The following TNIK variants were observed in gnomAD, a reference collection of about 807,000 sequenced individuals.
TNIK encodes the protein TRAF2 and NCK-interacting protein kinase.
In TNIK, 49 loss-of-function variants were observed where a neutral mutation model predicts 191.3. The observed-to-expected ratio is 0.26, with a 90% CI of 0.20 to 0.32. TNIK has a LOEUF of 0.32. TNIK is among the 10% of genes least tolerant of loss of function. The pLI, the probability that TNIK is intolerant of heterozygous loss-of-function variation, is 1.00. For synonymous variants in TNIK, 594 were observed against 600.9 expected, an observed-to-expected ratio of 0.99 and a Z score of 0.17; for missense variants, 1,155 against 1,702.3, an observed-to-expected ratio of 0.68 and a Z score of 5.66.
At chr3:171,250,614 G>A (rs934467007) in intron 2 of TNIK, among the ~76,000 whole-genome samples, 15 of 152,178 alleles carry the variant, frequency 9.9e-5, no homozygotes, top group African/African-American at 3.6e-4. Flanking sequence ...GTGGGAGGTG[G>A]GAACAACACA....
Position 171,343,084 on chromosome 3 carries a change from G to A in TNIK, c.123+26536C>T, listed in dbSNP as rs182368715. On this transcript the variant is annotated intron_variant, in intron 2 of 32. Transcript: ENST00000436636. Reference sequence around the variant, plus strand: ...TTTTTCTTTATAAGTTACCCATCTTGGATATATCTTCATAGCAATGTTGAA... The same window carrying A: ...TTTTTCTTTATAAGTTACCCATCTTAGATATATCTTCATAGCAATGTTGAA... Among the ~76,000 whole-genome samples the A allele has an allele frequency of 2.0e-3, 304 of 152,170 alleles. 1 individual carries two copies. Among genetic ancestry groups the A allele is most frequent in the African/African-American group, 6.9e-3 (285 of 41,498 alleles).
chr3:171,440,368 C>T (rs1726632703), intron 1 of TNIK, among the ~76,000 whole-genome samples: 1 of 152,154 alleles, frequency 6.6e-6, no homozygotes, highest in Non-Finnish European at 1.5e-5. Flanking sequence ...ACTCACTCCA[C>T]AACCCATTAC....
intron 2 of TNIK, among the ~76,000 whole-genome samples, chr3:171,286,819 G>T (rs1751057881): frequency 6.6e-6 from 1 of 152,192 alleles, no homozygotes; most frequent in Non-Finnish European, 1.5e-5. Context: ...ATGACACAAT[G>T]TTGTAGTTTG....
At chr3:171,453,172 G>T (rs1295368722) in intron 1 of TNIK, among the ~76,000 whole-genome samples, 2 of 152,166 alleles carry the variant, frequency 1.3e-5, no homozygotes, top group Non-Finnish European at 2.9e-5. Context: ...CGCCTGCTGT[G>T]TAAAGAAAAC....
intron 2 of TNIK, among the ~76,000 whole-genome samples, chr3:171,364,455 C>T (rs1254731836): frequency 2.6e-5 from 4 of 151,160 alleles, no homozygotes; most frequent in African/African-American, 9.7e-5. Flanking sequence ...TATGAAAATG[C>T]TAAAAAAAAT....
rs1012087686 is a variant in TNIK at position 171,345,432 on chromosome 3, G to A, written c.123+24188C>T. ...GCTGTTATTTTTAGGTGAAAACACC[G>A]AGTTTTTTTTTTTTCTTTACTTTTG... On this transcript the variant is annotated intron_variant, in intron 2 of 32. Transcript: ENST00000436636. Among the ~76,000 whole-genome samples the A allele has an allele frequency of 4.0e-5, 6 of 150,774 alleles. No homozygotes were observed. In the East Asian group the frequency reaches 1.2e-3, roughly 29 times the overall value.
At chr3:171,113,571 A>G (rs971180328) in intron 18 of TNIK, among the ~76,000 whole-genome samples, 1 of 151,208 alleles carries the variant, frequency 6.6e-6, no homozygotes, top group African/African-American at 2.4e-5. Context: ...GCGCTACTGC[A>G]CTCTAGCCTG....
At chr3:171,199,110 ATAATT>A (rs1459861195) in intron 4 of TNIK, among the ~76,000 whole-genome samples, 1 of 152,142 alleles carries the variant, frequency 6.6e-6, no homozygotes, top group East Asian at 1.9e-4. Flanking sequence ...AGTGATTTCT[ATAATT>A]TGCTTTCCCA....
chr3:171,361,776 T>C, intron 2 of TNIK, among the ~76,000 whole-genome samples: 1 of 152,134 alleles, frequency 6.6e-6, no homozygotes, highest in East Asian at 1.9e-4. Flanking sequence ...TAATCAAACC[T>C]TACATGTACA....
At chr3:171,340,694 T>C (rs1363355965) in intron 2 of TNIK, among the ~76,000 whole-genome samples, 1 of 152,242 alleles carries the variant, frequency 6.6e-6, no homozygotes, top group Non-Finnish European at 1.5e-5. Flanking sequence ...GTTTAACTGG[T>C]GTACCACAAA....
At chr3:171,068,074 G>A (rs1220073357) in intron 30 of TNIK, among the ~76,000 whole-genome samples, 1 of 152,094 alleles carries the variant, frequency 6.6e-6, no homozygotes, top group Non-Finnish European at 1.5e-5. Flanking sequence ...TTAGTCTTGG[G>A]ATTACACACA....
intron 2 of TNIK, among the ~76,000 whole-genome samples, chr3:171,325,250 T>C (rs1458950928): frequency 1.3e-5 from 2 of 151,812 alleles, no homozygotes; most frequent in African/African-American, 2.4e-5. Context: ...CATCCAAAAG[T>C]GGAGTGGCAA....
Position 171,140,437 on chromosome 3 carries a change from G to A in TNIK, c.1294C>T (p.Arg432Cys), listed in dbSNP as rs1171544235. ...EQRRHYEEQM[R>C]REEERRRAEH... ...GCACGCCTCCTCTCCTCCTCCCGGC[G>A]CATCTGCTCCTCATAGTGCCGGCGC... is the stretch of plus-strand genomic sequence containing the variant. Residue 432 changes from arginine (R) to cysteine (C), a missense_variant, in exon 13 of 33, where the codon CGC (arginine) becomes TGC (cysteine). Around this residue, in one of 3 missense-constraint regions of TNIK, gnomAD observed 735 missense variants for 848.0 expected, o/e 0.87. Coordinates refer to ENST00000436636, the MANE Select transcript of TNIK (RefSeq NM_015028.4). 4.0e-5 allele frequency: 65 copies of A among 1,609,004 alleles called. No individual in the cohort carries two copies. Among genetic ancestry groups the A allele is most frequent in the Middle Eastern group, 1.7e-4 (1 of 6,036 alleles).
intron 15 of TNIK, among the ~76,000 whole-genome samples, chr3:171,134,778 A>G (rs1729744022): frequency 1.3e-5 from 2 of 152,244 alleles, no homozygotes; most frequent in Non-Finnish European, 2.9e-5. Context: ...TGCAGTGATC[A>G]CTTGTGTTTT....
chr3:171,297,087 G>A (rs1304365058), intron 2 of TNIK, among the ~76,000 whole-genome samples: 3 of 152,026 alleles, frequency 2.0e-5, no homozygotes, highest in East Asian at 3.9e-4. Context: ...CTAGGTATCT[G>A]GACACAGCTA....
At chr3:171,403,242 C>G (rs1208531632) in intron 1 of TNIK, among the ~76,000 whole-genome samples, 1 of 152,146 alleles carries the variant, frequency 6.6e-6, no homozygotes, top group African/African-American at 2.4e-5. Context: ...GAGAACAGCC[C>G]ACACCTGGGG....
chr3:171,219,063 T>TTAAATATA (rs1199872177), intron 3 of TNIK, among the ~76,000 whole-genome samples: 2 of 51,964 alleles, frequency 3.8e-5, no homozygotes, highest in Non-Finnish European at 6.5e-5. Context: ...ATATAATATA[T>TTAAATATA]TAAATATATA....
intron 1 of TNIK, among the ~76,000 whole-genome samples, chr3:171,450,861 T>G (rs866014470): frequency 4.6e-5 from 7 of 152,238 alleles, no homozygotes; most frequent in Non-Finnish European, 1.0e-4. Context: ...GTGCTGAACA[T>G]GCAGGCAAGA....
At chr3:171,188,622 A>AATAT (rs1577071845) in intron 7 of TNIK, 80 bp downstream of exon 7, 2 of 1,506,294 alleles carry the variant, frequency 1.3e-6, no homozygotes, top group African/African-American at 2.8e-5. Context: ...ATAAATCATA[A>AATAT]ATATAAGGGC....
Sources: allele counts gnomAD v4.1 joint callset (sites outside exome capture counted in the v4.1 genomes callset), GRCh38; gene constraint gnomAD v4.1.1; regional missense constraint gnomAD v4.1.1; transcripts MANE v1.5; gene names NCBI Gene and HGNC (gene_info 2026-07-23, HGNC 2026-07-21).